The following BMAL1 variants were observed in gnomAD, a reference collection of about 807,000 sequenced individuals.
BMAL1 encodes the protein basic helix-loop-helix ARNT-like protein 1.
the BMAL1 span, chr11:13,355,313 G>A: frequency 6.2e-7 from 1 of 1,613,064 alleles, no homozygotes; most frequent in Non-Finnish European, 8.5e-7. Flanking sequence ...TATCCCAGAT[G>A]ATTAAGACAG....
the BMAL1 span, among the ~76,000 whole-genome samples, chr11:13,287,956 T>A: frequency 6.6e-6 from 1 of 152,210 alleles, no homozygotes; most frequent in Non-Finnish European, 1.5e-5. Context: ...GCCTGCAGTT[T>A]GATTGCCTTG....
the BMAL1 span, among the ~76,000 whole-genome samples, chr11:13,277,393 G>C: frequency 3.6e-4 from 55 of 152,290 alleles, no homozygotes; most frequent in Middle Eastern, 0.01. Flanking sequence ...GCCGCGGCTA[G>C]TGGGAGACCT....
At chr11:13,383,881 T>G in the BMAL1 span, among the ~76,000 whole-genome samples, 39 of 151,126 alleles carry the variant, frequency 2.6e-4, no homozygotes, top group African/African-American at 9.0e-4. Context: ...AGGAAGGGAG[T>G]GAGGGAGGGA....
chr11:13,287,970 A>G, the BMAL1 span, among the ~76,000 whole-genome samples: 1 of 152,308 alleles, frequency 6.6e-6, no homozygotes, highest in Non-Finnish European at 1.5e-5. Context: ...TGCCTTGTGG[A>G]ACATCTTTAT....
the BMAL1 span, among the ~76,000 whole-genome samples, chr11:13,325,657 T>TTTTGTG: frequency 7.4e-6 from 1 of 134,348 alleles, no homozygotes; most frequent in Admixed American, 7.4e-5. Flanking sequence ...TTGAGACCTT[T>TTTTGTG]TGTGTGTGTG....
chr11:13,321,007 T>C, the BMAL1 span, among the ~76,000 whole-genome samples: 2 of 152,260 alleles, frequency 1.3e-5, no homozygotes, highest in African/African-American at 2.4e-5. Flanking sequence ...TTGTTTTTTA[T>C]GTACATGTTG....
chr11:13,311,912 T>G, the BMAL1 span, among the ~76,000 whole-genome samples: 1 of 152,212 alleles, frequency 6.6e-6, no homozygotes, highest in African/African-American at 2.4e-5. Flanking sequence ...GACCAAAAAT[T>G]GAAATAAACC....
chr11:13,315,062 C>T, the BMAL1 span, among the ~76,000 whole-genome samples: 1 of 152,154 alleles, frequency 6.6e-6, no homozygotes, highest in African/African-American at 2.4e-5. Flanking sequence ...GCCAAGAGTG[C>T]AGCTTTTATT....
chr11:13,288,427 T>C, the BMAL1 span, among the ~76,000 whole-genome samples: 34 of 66,112 alleles, frequency 5.1e-4, 1 homozygote, highest in African/African-American at 1.5e-3. Context: ...TTTTTTTCTT[T>C]TTTTTTTTTT....
the BMAL1 span, among the ~76,000 whole-genome samples, chr11:13,297,388 G>A: frequency 6.6e-6 from 1 of 152,244 alleles, no homozygotes; most frequent in Non-Finnish European, 1.5e-5. Flanking sequence ...CCTCTGGAGT[G>A]CTGTGAGCAA....
the BMAL1 span, chr11:13,372,285 G>A: frequency 5.6e-6 from 9 of 1,614,050 alleles, no homozygotes; most frequent in African/African-American, 1.3e-5. Context: ...CAGCTGCCTC[G>A]TCGCAATTGG....
At chr11:13,288,509 C>T in the BMAL1 span, among the ~76,000 whole-genome samples, 1 of 149,700 alleles carries the variant, frequency 6.7e-6, no homozygotes, top group East Asian at 2.0e-4. Context: ...TTAGCCCACT[C>T]TTTCATTTTG....
At chr11:13,357,045 C>G in the BMAL1 span, 1 of 1,614,172 alleles carries the variant, frequency 6.2e-7, no homozygotes, top group East Asian at 2.2e-5. This position sits in a 1 kb window ranked among gnomAD's most constrained non-coding sequence, Gnocchi z 4.8. Flanking sequence ...TTGCTTTTTC[C>G]TCCCCCCAGG....
chr11:13,346,283 G>T, the BMAL1 span, among the ~76,000 whole-genome samples: 1 of 152,212 alleles, frequency 6.6e-6, no homozygotes. Flanking sequence ...CCTTCCCACT[G>T]GGTGGGACAG....
the BMAL1 span, among the ~76,000 whole-genome samples, chr11:13,297,064 G>A: frequency 2.6e-5 from 4 of 152,206 alleles, no homozygotes; most frequent in Non-Finnish European, 5.9e-5. Flanking sequence ...CATAGCCACA[G>A]CGTGGTAAAG....
At chr11:13,344,944 T>G in the BMAL1 span, among the ~76,000 whole-genome samples, 1 of 152,178 alleles carries the variant, frequency 6.6e-6, no homozygotes, top group South Asian at 2.1e-4. Flanking sequence ...CAGCTCCCTG[T>G]AGGTAGGTTG....
At chr11:13,338,824 G>C in the BMAL1 span, among the ~76,000 whole-genome samples, 30 of 152,340 alleles carry the variant, frequency 2.0e-4, no homozygotes, top group South Asian at 8.3e-4. Flanking sequence ...AAGGAGACAC[G>C]TCAGGGCAGG....
chr11:13,284,319 A>T, the BMAL1 span, among the ~76,000 whole-genome samples: 96 of 147,332 alleles, frequency 6.5e-4, no homozygotes, highest in African/African-American at 2.2e-3. Context: ...AGTAAGGGAC[A>T]CATTGTTTTA....
the BMAL1 span, among the ~76,000 whole-genome samples, chr11:13,332,962 CTTT>C: frequency 2.1e-5 from 3 of 141,106 alleles, no homozygotes; most frequent in Non-Finnish European, 3.1e-5. Flanking sequence ...TCGATACTGT[CTTT>C]TTTTTTTTTT....
Sources: allele counts gnomAD v4.1 joint callset (sites outside exome capture counted in the v4.1 genomes callset), GRCh38; gene constraint gnomAD v4.1.1; non-coding constraint Gnocchi (gnomAD v3.1); transcripts MANE v1.5; gene names NCBI Gene and HGNC (gene_info 2026-07-23, HGNC 2026-07-21).